FGF12: variants seen among roughly 807,000 people sequenced by gnomAD.
FGF12 encodes fibroblast growth factor 12B.
A neutral mutation model predicts 23.6 loss-of-function variants in FGF12; 14 were observed. That is an observed-to-expected ratio of 0.59 (90% CI 0.39 to 0.93). FGF12 has a LOEUF of 0.93. Among genes scored for constraint, FGF12 ranks in the 40% least tolerant of loss-of-function variants. The pLI, the probability that FGF12 is intolerant of heterozygous loss-of-function variation, is 0.00. For synonymous variants in FGF12, 62 were observed against 77.3 expected (o/e 0.80, Z 1.04); for missense variants, 175 against 217.8 (o/e 0.80, Z 1.24).
chr3:192,577,610 T>G (rs975343656), intron 2 of FGF12, among the ~76,000 whole-genome samples: 1 of 152,228 alleles, frequency 6.6e-6, no homozygotes, highest in African/African-American at 2.4e-5. Context: ...ATAGAGGAAT[T>G]CACTAAAATT....
At chr3:192,439,805 T>G (rs1213957231) in intron 2 of FGF12, among the ~76,000 whole-genome samples, 1 of 151,928 alleles carries the variant, frequency 6.6e-6, no homozygotes, top group Non-Finnish European at 1.5e-5. Flanking sequence ...TGAAACCCCG[T>G]CTCTACTAAA....
At chr3:192,373,867 C>T (rs935929399) in intron 2 of FGF12, among the ~76,000 whole-genome samples, 4 of 152,198 alleles carry the variant, frequency 2.6e-5, no homozygotes, top group African/African-American at 7.2e-5. Context: ...CAAAAGCCTA[C>T]TTCTCTCATG....
intron 2 of FGF12, among the ~76,000 whole-genome samples, chr3:192,510,661 T>C (rs535818838): frequency 2.6e-5 from 4 of 152,326 alleles, no homozygotes; most frequent in African/African-American, 4.8e-5. Flanking sequence ...CAGAAAAACA[T>C]GCACAAGGAT....
Position 192,515,805 on chromosome 3 carries a change from A to AT in FGF12, c.14-155268dup, listed in dbSNP as rs11433242. Among the ~76,000 whole-genome samples the AT allele has an allele frequency of 7.1e-3, 1,030 of 144,764 alleles. 16 individuals are homozygous for AT. Among genetic ancestry groups the AT allele is most frequent in the African/African-American group, 0.023 (916 of 39,556 alleles). 95.0% of individuals were successfully genotyped at this position (144,764 alleles called of 152,430 possible). ...CTTCTCCATGAGTTTAAAGATCTCG[A>AT]TTTTTTTTTCCCAGCAGCCCCCTTG... On this transcript the variant is annotated intron_variant, in intron 2 of 5. Transcript: ENST00000445105.
intron 2 of FGF12, among the ~76,000 whole-genome samples, chr3:192,561,194 ACATT>A (rs759911808): frequency 7.2e-5 from 11 of 152,106 alleles, no homozygotes; most frequent in Non-Finnish European, 1.6e-4. Flanking sequence ...ACACAAACAC[ACATT>A]CTGCAAATCA....
intron 5 of FGF12, among the ~76,000 whole-genome samples, chr3:192,155,359 G>T (rs183923025): frequency 5.9e-5 from 9 of 152,252 alleles, no homozygotes; most frequent in African/African-American, 1.7e-4. Flanking sequence ...GAGTTGTTCT[G>T]GTGCTTTGCA....
At chr3:192,359,576 G>A (rs373515637) in intron 3 of FGF12, among the ~76,000 whole-genome samples, 1 of 152,054 alleles carries the variant, frequency 6.6e-6, no homozygotes, top group African/African-American at 2.4e-5. Context: ...TTTGCCCTCA[G>A]GTATCTGTAT....
In FGF12 at chr3:192,360,319, G is replaced by A; in HGVS notation, c.124+109C>T. 1 of 726,500 alleles carries A rather than the reference G, an allele frequency of 1.4e-6. No individual in the cohort carries two copies. Among genetic ancestry groups the A allele is most frequent in the South Asian group, 1.7e-5 (1 of 59,310 alleles). 45.0% of individuals were successfully genotyped at this position (726,500 alleles called of 1,614,324 possible). A position where few individuals can be genotyped will look rare whatever the true frequency, so the allele number is the denominator to read the frequency against. ...ACACTAGCTTACTAATAGTTAAATA[G>A]TTTGAAAGGCATAGTTTGGTAAGGC... is the stretch of plus-strand genomic sequence containing the variant. On this transcript the variant is annotated intron_variant, in intron 3 of 5. Coordinates refer to ENST00000445105, the MANE Select transcript of FGF12 (RefSeq NM_004113.6). The surrounding 1 kb of genome is among the most constrained non-coding windows in gnomAD (Gnocchi z 4.3).
chr3:192,407,374 A>G (rs1430164151), intron 2 of FGF12, among the ~76,000 whole-genome samples: 3 of 152,152 alleles, frequency 2.0e-5, no homozygotes, highest in African/African-American at 7.2e-5. Context: ...CCTTGGAAAC[A>G]ATGAGAGGGG....
At chr3:192,325,561 A>G (rs895930518) in intron 4 of FGF12, among the ~76,000 whole-genome samples, 20 of 152,166 alleles carry the variant, frequency 1.3e-4, no homozygotes, top group African/African-American at 4.6e-4. Context: ...AGTTGTGAAT[A>G]TGCCTCAGAT....
chr3:192,404,470 A>C (rs1021660566), intron 2 of FGF12, among the ~76,000 whole-genome samples: 2 of 152,202 alleles, frequency 1.3e-5, no homozygotes, highest in African/African-American at 4.8e-5. Context: ...TTCTACTCAA[A>C]ATAAAGCTAA....
intron 2 of FGF12, among the ~76,000 whole-genome samples, chr3:192,383,535 T>C (rs1461242093): frequency 2.5e-5 from 3 of 122,174 alleles, no homozygotes; most frequent in African/African-American, 9.3e-5. Flanking sequence ...AAAAAAAATC[T>C]GATTAAAAAA....
chr3:192,350,519 C>A (rs1011301026), intron 3 of FGF12, among the ~76,000 whole-genome samples: 14 of 152,056 alleles, frequency 9.2e-5, no homozygotes, highest in African/African-American at 2.9e-4. Flanking sequence ...TATAGATTAA[C>A]TAGAAAAGAT....
chr3:192,454,795 T>C (rs760078694), intron 2 of FGF12, among the ~76,000 whole-genome samples: 11 of 152,148 alleles, frequency 7.2e-5, no homozygotes, highest in Non-Finnish European at 1.5e-4. Flanking sequence ...GAAAAAGGTG[T>C]CACACTAGAG....
At chr3:192,259,868 C>T (rs1403892382) in intron 4 of FGF12, among the ~76,000 whole-genome samples, 1 of 151,954 alleles carries the variant, frequency 6.6e-6, no homozygotes, top group African/African-American at 2.4e-5. Context: ...ACCAATGATT[C>T]ACACCTAGGA....
Position 192,154,422 on chromosome 3 carries a change from G to A in FGF12, c.428-10295C>T, listed in dbSNP as rs1197705246. On this transcript the variant is annotated intron_variant, in intron 5 of 5. Coordinates refer to ENST00000445105, the MANE Select transcript of FGF12 (RefSeq NM_004113.6). ...TTAGAGTTTCCAGTTTTTCTGTTCT[G>A]TTTTTTCCCCATTTTTGTGGTTTTA... Among the ~76,000 whole-genome samples, 24 of 118,252 alleles carry A rather than the reference G, an allele frequency of 2.0e-4. 7 individuals carry two copies. Among genetic ancestry groups the A allele is most frequent in the African/African-American group, 7.5e-4 (24 of 31,972 alleles). 77.6% of individuals were successfully genotyped at this position (118,252 alleles called of 152,430 possible).
At chr3:192,529,139 G>A (rs78693869) in intron 2 of FGF12, among the ~76,000 whole-genome samples, 4,857 of 152,046 alleles carry the variant, frequency 0.032, 241 homozygotes, top group African/African-American at 0.11. Context: ...CAACTTTTAC[G>A]CTCTCTTTCA....
chr3:192,294,905 G>A (rs980839088), intron 4 of FGF12, among the ~76,000 whole-genome samples: 1 of 152,084 alleles, frequency 6.6e-6, no homozygotes, highest in Non-Finnish European at 1.5e-5. Flanking sequence ...TCATCAAGAG[G>A]TTTGGTTTCT....
intron 2 of FGF12, among the ~76,000 whole-genome samples, chr3:192,600,814 T>A (rs1434124339): frequency 6.6e-6 from 1 of 152,112 alleles, no homozygotes; most frequent in Non-Finnish European, 1.5e-5. Flanking sequence ...CTGGCAGGGA[T>A]GCAGAAAAAA....
Sources: gnomAD v4.1 joint callset for allele counts (sites outside exome capture counted in the v4.1 genomes callset) on GRCh38, gnomAD v4.1.1 for gene constraint, Gnocchi (gnomAD v3.1) non-coding constraint, MANE v1.5 for transcripts, NCBI Gene and HGNC (gene_info 2026-07-23, HGNC 2026-07-21) for gene names.